Variants in LOXHD1 observed in about 807,000 individuals in gnomAD.
The protein encoded by LOXHD1 is lipoxygenase homology domain-containing protein 1.
Under a neutral mutation model 248.2 loss-of-function variants are expected in LOXHD1, and 205 were observed. That is an observed-to-expected ratio of 0.83 (90% CI 0.74 to 0.93). LOXHD1 has a LOEUF of 0.93. Ranked by LOEUF, LOXHD1 falls within the 40% of genes least tolerant of loss-of-function variation. The pLI is 0.00. For missense variants in LOXHD1, 2,930 were observed against 2,971.6 expected (o/e 0.99, Z 0.33); for synonymous variants, 1,113 against 1,162.8 (o/e 0.96, Z 0.87).
intron 21 of LOXHD1, among the ~76,000 whole-genome samples, chr18:46,549,141 A>G (rs2036976725): frequency 6.6e-6 from 1 of 152,146 alleles, no homozygotes; most frequent in Non-Finnish European, 1.5e-5. Context: ...GCTTCTGGAT[A>G]CCAGGGAGGG....
At chr18:46,532,895 C>T (rs1009094931) in intron 28 of LOXHD1, among the ~76,000 whole-genome samples, 2 of 152,166 alleles carry the variant, frequency 1.3e-5, no homozygotes, top group African/African-American at 4.8e-5. Context: ...ATGTATTATC[C>T]CAATGTCAGA....
Position 46,607,797 on chromosome 18 carries a change from G to A in LOXHD1, c.759+2979C>T, listed in dbSNP as rs189217834. Among the ~76,000 whole-genome samples the A allele has an allele frequency of 8.8e-4, 134 of 152,178 alleles. 1 individual carries two copies. Among genetic ancestry groups the A allele is most frequent in the African/African-American group, 3.1e-3 (128 of 41,526 alleles). On this transcript the variant is annotated intron_variant, in intron 6 of 40. Coordinates refer to ENST00000642948, the MANE Select transcript of LOXHD1 (RefSeq NM_001384474.1). ...AAGTAGAGATGACAGGAGTAAAGGG[G>A]AAGCTGCCGGTTTTGGAAGGTAGAG...
Position 46,477,866 on chromosome 18 carries a change from C to A in LOXHD1, c.6428G>T (p.Ser2143Ile), listed in dbSNP as rs971338028. 5 of 1,551,786 alleles carry A rather than the reference C, an allele frequency of 3.2e-6. No homozygotes were observed. The highest frequency in any genetic ancestry group is 4.4e-6 in the Non-Finnish European group (5 of 1,147,002). The change falls in exon 41 of 41, where the codon AGC (serine) becomes ATC (isoleucine). Residue 2143 changes from serine to isoleucine, a missense_variant. Ser to Ile is a moderately radical substitution (Grantham distance 142, BLOSUM62 -2). Transcript: ENST00000642948. The stretch of plus-strand genomic sequence containing the variant: ...CAGGCTCTGGACCTTGCTGGCAAAG[C>A]TCTCTGTCGTCTTGGTAACCTCGAA... ...KVFEVTKTTE[S>I]FASKVQSLVP...
chr18:46,539,807 AAAG>A (rs778769711), intron 25 of LOXHD1, among the ~76,000 whole-genome samples: 13 of 152,208 alleles, frequency 8.5e-5, no homozygotes, highest in Non-Finnish European at 1.8e-4. Flanking sequence ...TTAAGAAAAA[AAAG>A]AAGAATATTG....
chr18:46,506,212 C>T (rs2034562224), intron 36 of LOXHD1, among the ~76,000 whole-genome samples, 189 bp from the exon 37 acceptor site: 1 of 152,180 alleles, frequency 6.6e-6, no homozygotes, highest in Admixed American at 6.5e-5. Context: ...TCTTCTTCAT[C>T]TTATCTTTGT....
intron 9 of LOXHD1, 107 bp from the exon 10 acceptor site, chr18:46,593,867 G>T (rs878868376): frequency 1.1e-5 from 13 of 1,162,920 alleles, no homozygotes; most frequent in Non-Finnish European, 1.4e-5. Context: ...GAAGGGCGGG[G>T]TATACACAGG....
intron 4 of LOXHD1, among the ~76,000 whole-genome samples, chr18:46,636,462 C>T (rs1384714939): frequency 6.6e-6 from 1 of 152,202 alleles, no homozygotes. Flanking sequence ...TCCCTCCACT[C>T]GACGAGGATC....
At chr18:46,503,683 G>A (rs1300619547) in intron 37 of LOXHD1, among the ~76,000 whole-genome samples, 1 of 152,176 alleles carries the variant, frequency 6.6e-6, no homozygotes. Context: ...CATGATTTGC[G>A]AGTATGTTTC....
chr18:46,551,284 T>C (rs138914844), intron 21 of LOXHD1, among the ~76,000 whole-genome samples: 2 of 152,108 alleles, frequency 1.3e-5, no homozygotes, highest in East Asian at 3.9e-4. Context: ...TTGTATTTTT[T>C]AGTAGATACG....
intron 4 of LOXHD1, among the ~76,000 whole-genome samples, chr18:46,636,500 T>C (rs1386142993): frequency 6.6e-6 from 1 of 152,206 alleles, no homozygotes; most frequent in Admixed American, 6.5e-5. Flanking sequence ...AAAGGGTCAG[T>C]TGGTCAGCCT....
intron 12 of LOXHD1, among the ~76,000 whole-genome samples, chr18:46,586,711 G>T (rs1330812431): frequency 6.6e-6 from 1 of 152,222 alleles, no homozygotes; most frequent in Non-Finnish European, 1.5e-5. Flanking sequence ...GACTCCCAAA[G>T]TGCTAGGATT....
intron 15 of LOXHD1, 129 bp from the exon 16 acceptor site, chr18:46,569,767 T>C: frequency 5.6e-6 from 4 of 710,646 alleles, no homozygotes; most frequent in Non-Finnish European, 9.1e-6. Context: ...GAATTGAAAA[T>C]CCAGGCTCCT....
At chr18:46,521,054 A>C in intron 33 of LOXHD1, 43 bp downstream of exon 33, 3 of 1,538,228 alleles carry the variant, frequency 2.0e-6, no homozygotes, top group Non-Finnish European at 2.6e-6. Context: ...CTCAACCTGC[A>C]CTGCCCTGGC....
At chr18:46,619,907 C>T (rs1036724940) in intron 4 of LOXHD1, among the ~76,000 whole-genome samples, 8 of 152,232 alleles carry the variant, frequency 5.3e-5, no homozygotes, top group African/African-American at 1.9e-4. Flanking sequence ...GGAGCAGCCA[C>T]TGTCAGACTC....
chr18:46,655,919 A>T lies in LOXHD1; in HGVS notation c.130+985T>A, dbSNP rs138521642. On this transcript the variant is annotated intron_variant, in intron 1 of 40. Transcript: ENST00000642948. ...GGAATCAAGGAGGGCTTCATGGAAG[A>T]GATGGGATCAGAACTGGGCTTTCAG... Among the ~76,000 whole-genome samples, 17 of 152,342 alleles carry T rather than the reference A, an allele frequency of 1.1e-4. No individual in the cohort carries two copies. In the East Asian group the frequency reaches 3.3e-3, roughly 29 times the overall value.
Position 46,601,290 on chromosome 18 carries a change from A to T in LOXHD1, c.1061T>A (p.Leu354His), listed in dbSNP as rs727503150. ...TDIFHIELAV[L>H]LSPLSRVSVG... ...GGAGACCCGACTCAGGGGGCTAAGG[A>T]GGACAGCCAGCTCGATGTGGAAGAT... The change falls in exon 8 of 41, where the codon CTC (leucine) becomes CAC (histidine). Residue 354 changes from leucine to histidine, a missense_variant. By Grantham distance (99) the Leu-to-His change is moderately conservative. Transcript: ENST00000642948. 1.3e-6 allele frequency: 2 copies of T among 1,551,706 alleles called. No homozygotes were observed. Among genetic ancestry groups the T allele is most frequent in the Admixed American group, 3.9e-5 (2 of 51,002 alleles).
rs1568189813 is a variant in LOXHD1 at position 46,566,270 on chromosome 18, C to T, written c.2424G>A (p.Val808=). Residue 808 remains valine, a synonymous_variant, in exon 17 of 41, where the codon GTG becomes GTA. Coordinates refer to ENST00000642948, the MANE Select transcript of LOXHD1 (RefSeq NM_001384474.1). ...CCTCCTCCATACATTTCTGGATCTC[C>T]ACCACCTCGCTGGGATACAGCTCCA... ...LEVELYPSEV[V]EIQKLVHYEV... The T allele has an allele frequency of 3.9e-6, 6 of 1,549,646 alleles. No homozygotes were observed. The East Asian group carries it at 9.8e-5, about 25-fold the overall frequency.
At chr18:46,524,444 A>G (rs1248640986) in intron 31 of LOXHD1, 22 bp downstream of exon 31, 1 of 1,543,276 alleles carries the variant, frequency 6.5e-7, no homozygotes, top group African/African-American at 1.4e-5. Context: ...CCCCCGTCCA[A>G]AGAGCTCCCT....
Position 46,572,145 on chromosome 18 carries a change from T to A in LOXHD1, c.1988A>T (p.Lys663Met). The change falls in exon 15 of 41, where the codon AAG becomes ATG. Residue 663 changes from lysine (K) to methionine (M), a missense_variant. Transcript: ENST00000642948. ...CTCTCGGACCAGCTGCCCATCATCC[T>A]TATCCTTGTCCAACCACCTGGTGGG... The part of the protein sequence containing the change: ...FPCLRWLDKD[K>M]DDGQLVRELL... The A allele has an allele frequency of 6.4e-7, 1 of 1,551,876 alleles. No homozygotes were observed. The highest frequency in any genetic ancestry group is 1.4e-5 in the African/African-American group (1 of 73,174).
Sources: gnomAD v4.1 joint callset for allele counts (sites outside exome capture counted in the v4.1 genomes callset) on GRCh38, gnomAD v4.1.1 for gene constraint, MANE v1.5 for transcripts, NCBI Gene and HGNC (gene_info 2026-07-23, HGNC 2026-07-21) for gene names.